The following DCC variants were observed in gnomAD, a reference collection of about 807,000 sequenced individuals.
DCC encodes DCC netrin 1 receptor.
Under a neutral mutation model 172.5 loss-of-function variants are expected in DCC, and 58 were observed. The observed-to-expected ratio is 0.34, with a 90% CI of 0.27 to 0.42. The LOEUF is 0.42. DCC is among the 10% of genes least tolerant of loss of function. DCC has a pLI of 1.00. For synonymous variants in DCC, 709 were observed against 644.5 expected (o/e 1.10, Z -1.52); for missense variants, 1,740 against 1,791.0 (o/e 0.97, Z 0.51).
intron 5 of DCC, among the ~76,000 whole-genome samples, chr18:53,059,777 T>C (rs192258316): frequency 7.1e-4 from 108 of 152,264 alleles, no homozygotes; most frequent in African/African-American, 2.4e-3. Flanking sequence ...CTTCTACTCA[T>C]CTTCTACCAA....
chr18:52,918,464 T>TA (rs1280028697), intron 3 of DCC, among the ~76,000 whole-genome samples: 1 of 152,192 alleles, frequency 6.6e-6, no homozygotes, highest in African/African-American at 2.4e-5. Context: ...TGCTCTTAAA[T>TA]ATGTGCCTCG....
Position 53,106,471 on chromosome 18 carries a change from C to T in DCC, c.1261+40305C>T, listed in dbSNP as rs560283858. Among the ~76,000 whole-genome samples, 13 of 152,044 alleles carry T rather than the reference C, an allele frequency of 8.6e-5. No individual in the cohort carries two copies. In the East Asian group the frequency reaches 1.6e-3, roughly 18 times the overall value. ...TTCTTCAACTCAAGAACCTGTTCAG[C>T]GGGTGCTGACTTGGATGTGTGTGTT... On this transcript the variant is annotated intron_variant, in intron 7 of 28. Transcript: ENST00000442544.
At chr18:52,539,026 A>G (rs1046592043) in intron 1 of DCC, among the ~76,000 whole-genome samples, 3 of 152,150 alleles carry the variant, frequency 2.0e-5, no homozygotes, top group Non-Finnish European at 4.4e-5. Flanking sequence ...TTCTTTCCAG[A>G]TGGAAAGGAG....
intron 1 of DCC, among the ~76,000 whole-genome samples, chr18:52,730,612 A>C (rs2036624229): frequency 6.6e-6 from 1 of 152,154 alleles, no homozygotes; most frequent in Non-Finnish European, 1.5e-5. Context: ...GTTCAGTGAC[A>C]CTCAATCAGA....
chr18:52,518,421 G>T (rs1401930054), intron 1 of DCC, among the ~76,000 whole-genome samples: 5 of 152,336 alleles, frequency 3.3e-5, no homozygotes, highest in African/African-American at 1.2e-4. Flanking sequence ...AAAAGGCATG[G>T]AATGAAAATA....
chr18:52,906,388 A>C (rs1013163142), intron 3 of DCC, 60 bp downstream of exon 3: 4 of 1,556,608 alleles, frequency 2.6e-6, no homozygotes, highest in Non-Finnish European at 3.5e-6. Context: ...TTGAAAAACA[A>C]TTTTTTTCTT....
At chr18:53,283,851 C>G (rs1402839949) in intron 12 of DCC, among the ~76,000 whole-genome samples, 2 of 152,118 alleles carry the variant, frequency 1.3e-5, no homozygotes, top group Admixed American at 6.5e-5. Flanking sequence ...TAATTATAAA[C>G]TTACCTTGCT....
chr18:52,640,993 G>A (rs1478813392), intron 1 of DCC, among the ~76,000 whole-genome samples: 1 of 150,272 alleles, frequency 6.7e-6, no homozygotes, highest in Non-Finnish European at 1.5e-5. Context: ...CACCAAAACA[G>A]CATGGTACTG....
At chr18:53,334,490 CA>C (rs2057569729) in intron 14 of DCC, among the ~76,000 whole-genome samples, 2 of 152,172 alleles carry the variant, frequency 1.3e-5, no homozygotes, top group Admixed American at 1.3e-4. Flanking sequence ...TAAGCACATT[CA>C]TGTTGTCATG....
chr18:52,546,099 C>T (rs1215520185), intron 1 of DCC, among the ~76,000 whole-genome samples: 2 of 152,146 alleles, frequency 1.3e-5, no homozygotes, highest in Admixed American at 1.3e-4. Flanking sequence ...CCTCATGTGG[C>T]TTGCACTTGA....
intron 5 of DCC, among the ~76,000 whole-genome samples, chr18:52,947,301 C>A (rs1305089006): frequency 6.6e-6 from 1 of 152,086 alleles, no homozygotes; most frequent in South Asian, 2.1e-4. Flanking sequence ...GAAAAGTTTG[C>A]ATTTTTTCTT....
At chr18:52,880,960 A>G (rs2039476830) in intron 2 of DCC, among the ~76,000 whole-genome samples, 1 of 152,104 alleles carries the variant, frequency 6.6e-6, no homozygotes, top group Non-Finnish European at 1.5e-5. Flanking sequence ...GGGGTTGTCT[A>G]ATTTACTTTC....
chr18:53,471,554 A>G (rs1004880619), intron 25 of DCC, among the ~76,000 whole-genome samples: 2 of 152,174 alleles, frequency 1.3e-5, no homozygotes, highest in Non-Finnish European at 2.9e-5. Context: ...ACTATGTTCT[A>G]CAAGGTCCCA....
intron 1 of DCC, among the ~76,000 whole-genome samples, chr18:52,358,485 A>C (rs1160384092): frequency 6.6e-6 from 1 of 152,250 alleles, no homozygotes. Context: ...GAGAGTACTT[A>C]TAAAATCATT....
intron 21 of DCC, among the ~76,000 whole-genome samples, chr18:53,424,116 T>C (rs1910776441): frequency 6.6e-6 from 1 of 152,204 alleles, no homozygotes; most frequent in Non-Finnish European, 1.5e-5. Flanking sequence ...GGTAGTTACA[T>C]TTGTAGATGG....
At chr18:52,984,815 C>A (rs114698769) in intron 5 of DCC, among the ~76,000 whole-genome samples, 1 of 152,016 alleles carries the variant, frequency 6.6e-6, no homozygotes, top group African/African-American at 2.4e-5. Context: ...AAGTATGTGC[C>A]TCTCAAGCAT....
chr18:52,953,389 C>A (rs570996639), intron 5 of DCC, among the ~76,000 whole-genome samples: 67 of 152,144 alleles, frequency 4.4e-4, no homozygotes, highest in Non-Finnish European at 8.7e-4. Flanking sequence ...TTCTCCAGGG[C>A]TTTCCGCCTC....
chr18:53,031,463 G>C (rs530343023), intron 5 of DCC, among the ~76,000 whole-genome samples: 1 of 152,226 alleles, frequency 6.6e-6, no homozygotes, highest in Non-Finnish European at 1.5e-5. Context: ...TAGAGTACTG[G>C]AGATGAGGGT....
intron 1 of DCC, among the ~76,000 whole-genome samples, chr18:52,610,075 A>G (rs1164759340): frequency 7.0e-6 from 1 of 142,994 alleles, no homozygotes; most frequent in African/African-American, 2.6e-5. Flanking sequence ...ACATTTTGGG[A>G]TGCTGAGGCG....
Sources: gnomAD v4.1 joint callset for allele counts (sites outside exome capture counted in the v4.1 genomes callset) on GRCh38, gnomAD v4.1.1 for gene constraint, MANE v1.5 for transcripts, NCBI Gene and HGNC (gene_info 2026-07-23, HGNC 2026-07-21) for gene names.